Variants in PHLDB1 observed in about 807,000 individuals in gnomAD.
PHLDB1 encodes the protein pleckstrin homology like domain family B member 1, also known as pleckstrin homology-like domain family B member 1.
Under a neutral mutation model 139.3 loss-of-function variants are expected in PHLDB1, and 65 were observed. The observed-to-expected ratio is 0.47, with a 90% CI of 0.38 to 0.57. The LOEUF (loss-of-function observed/expected upper bound fraction) is 0.57. Among genes scored for constraint, PHLDB1 ranks in the 20% least tolerant of loss-of-function variants. The pLI, the probability that PHLDB1 is intolerant of heterozygous loss-of-function variation, is 0.00. For synonymous variants in PHLDB1, 679 were observed against 734.5 expected, an observed-to-expected ratio of 0.92 and a Z score of 1.22; for missense variants, 1,624 against 1,839.7, an observed-to-expected ratio of 0.88 and a Z score of 2.14.
intron 20 of PHLDB1, chr11:118,652,501 G>A (rs1042268635): frequency 1.3e-5 from 2 of 152,256 alleles, no homozygotes; most frequent in Admixed American, 6.5e-5. Context: ...GCATGAGCCA[G>A]GCGCTGTGCT....
chr11:118,651,733 G>A (rs191978218), intron 20 of PHLDB1: 15 of 151,600 alleles, frequency 9.9e-5, no homozygotes, highest in African/African-American at 3.6e-4. Flanking sequence ...GTTACTGTGA[G>A]CTGAGATCGT....
chr11:118,656,784 T>C lies in PHLDB1; in HGVS notation c.4095T>C (p.Ile1365=). 6.2e-7 allele frequency: 1 copy of C among 1,614,064 alleles called. No homozygotes were observed. The highest frequency in any genetic ancestry group is 8.5e-7 in the Non-Finnish European group (1 of 1,179,936). The change falls in exon 23 of 23, where the codon ATT becomes ATC. Residue 1365 remains isoleucine (I), a synonymous_variant. Coordinates refer to ENST00000600882, the MANE Select transcript of PHLDB1 (RefSeq NM_001144758.3). Reference sequence around the variant, plus strand: ...CCATGCGTATCTGGATGGATGTCATTGTCACAGGGGCTGAGGGCTACACTC... The same window carrying C: ...CCATGCGTATCTGGATGGATGTCATCGTCACAGGGGCTGAGGGCTACACTC... ...AEAMRIWMDV[I]VTGAEGYTQF...
Position 118,607,675 on chromosome 11 carries a change from C to T in PHLDB1, c.-46C>T, listed in dbSNP as rs549023715. On this transcript the variant is annotated 5_prime_UTR_variant, in exon 1 of 23. Coordinates refer to ENST00000600882, the MANE Select transcript of PHLDB1 (RefSeq NM_001144758.3). ...CCGAGCCAGGCTAAGGGACCAGTGT[C>T]TCCCTGCCCCCCCCCCACCTCTAGG... 1 of 132,236 alleles carries T rather than the reference C, an allele frequency of 7.6e-6. No individual in the cohort carries two copies. Among genetic ancestry groups the T allele is most frequent in the Non-Finnish European group, 1.6e-5 (1 of 62,960 alleles). The allele number at this position is 132,236 out of a possible 1,614,324, so 8.2% of individuals were successfully genotyped here.
rs942695659 is a variant in PHLDB1, at chr11:118,614,770, G to A, written c.184+88G>A. The A allele has an allele frequency of 9.3e-6, 13 of 1,396,118 alleles. No individual in the cohort carries two copies. In the East Asian group the frequency reaches 3.1e-4, roughly 34 times the overall value. 86.5% of individuals were successfully genotyped at this position (1,396,118 alleles called of 1,614,324 possible). Reference sequence around the variant, plus strand: ...AGGCCCACCTCCTGCATGTGTTGGGGCCCTTCTACTGTCTGCTGGTGCTCG... The same window carrying A: ...AGGCCCACCTCCTGCATGTGTTGGGACCCTTCTACTGTCTGCTGGTGCTCG... On this transcript the variant is annotated intron_variant, in intron 3 of 22. Transcript: ENST00000600882.
intron 17 of PHLDB1, chr11:118,646,707 G>T (rs1417567504): frequency 6.6e-6 from 1 of 152,224 alleles, no homozygotes; most frequent in African/African-American, 2.4e-5. Flanking sequence ...GCCTAGGAAG[G>T]AGGATAAATA....
At chr11:118,625,183 C>G (rs1363599607) in intron 5 of PHLDB1, 124 bp downstream of exon 5, 2 of 1,158,222 alleles carry the variant, frequency 1.7e-6, no homozygotes, top group African/African-American at 3.2e-5. Context: ...GGCTCACTGC[C>G]ACCTGCCATG....
At chr11:118,641,425 A>G (rs990092297) in intron 12 of PHLDB1, 4 of 218,190 alleles carry the variant, frequency 1.8e-5, no homozygotes, top group African/African-American at 7.1e-5. Flanking sequence ...TTTAGCTCCT[A>G]TGGCCTGGGG....
chr11:118,631,354 G>A lies in PHLDB1; in HGVS notation c.1975G>A (p.Gly659Arg). The change falls in exon 7 of 23, where the codon GGG becomes AGG. Residue 659 changes from glycine (G) to arginine (R), a missense_variant. Gly to Arg is a moderately radical substitution (Grantham distance 125). Coordinates refer to ENST00000600882, the MANE Select transcript of PHLDB1 (RefSeq NM_001144758.3). ...CCGGAGGCCCTCACGAGGCCTTGCA[G>A]GGGCCTCTGGGCGGAGCAGCGAGGA... ...AGRRPSRGLAGASGRSSEEPG... is the reference protein window; with the variant it reads ...AGRRPSRGLARASGRSSEEPG... 6.5e-7 allele frequency: 1 copy of A among 1,536,736 alleles called. No individual in the cohort carries two copies. The highest frequency in any genetic ancestry group is 8.7e-7 in the Non-Finnish European group (1 of 1,142,988).
intron 4 of PHLDB1, among the ~76,000 whole-genome samples, chr11:118,616,550 G>T (rs76544852): frequency 0.013 from 2,003 of 152,332 alleles, 26 homozygotes; most frequent in Middle Eastern, 0.044. Context: ...CAGTGAGAGG[G>T]TATCAATGGC....
chr11:118,620,282 CG>C lies in PHLDB1; in HGVS notation c.355+4074del, dbSNP rs1942509296. On this transcript the variant is annotated intron_variant, in intron 4 of 22. Transcript: ENST00000600882. This position sits in a 1 kb window ranked among gnomAD's most constrained non-coding sequence, Gnocchi z 4.1. The stretch of plus-strand genomic sequence containing the variant: ...CCGAGGCGGGCAGATCACCTGAGGT[CG>C]GGAGTTCGAGACCAGCCTGACCAAC... Among the ~76,000 whole-genome samples, 1 of 152,172 alleles carries C rather than the reference CG, an allele frequency of 6.6e-6. No homozygotes were observed. The highest frequency in any genetic ancestry group is 2.4e-5 in the African/African-American group (1 of 41,440).
chr11:118,641,826 G>A (rs547964728), intron 12 of PHLDB1: 12 of 1,254,616 alleles, frequency 9.6e-6, no homozygotes, highest in Non-Finnish European at 9.3e-6. Flanking sequence ...CCCATGACTG[G>A]TGTGCTCTGT....
chr11:118,647,918 CT>C lies in PHLDB1; in HGVS notation c.3508-9del, dbSNP rs1555130773. 6.4e-7 allele frequency: 1 copy of C among 1,559,110 alleles called. No individual in the cohort carries two copies. The highest frequency in any genetic ancestry group is 1.2e-5 in the South Asian group (1 of 84,724). On this transcript the variant is annotated splice_polypyrimidine_tract_variant and intron_variant, in intron 17 of 22. Coordinates refer to ENST00000600882, the MANE Select transcript of PHLDB1 (RefSeq NM_001144758.3). ...ATGGCCATAGGTGCTGACCCCTTGG[CT>C]TTGGGGGCAGGAGCGGGAGATGGAG...
chr11:118,653,537 A>C (rs1565507456), intron 20 of PHLDB1: 1 of 152,186 alleles, frequency 6.6e-6, no homozygotes, highest in Non-Finnish European at 1.5e-5. Context: ...CTTTCATTTA[A>C]TACTCATGAC....
Position 118,641,690 on chromosome 11 carries a change from C to T in PHLDB1, c.2737-564C>T, listed in dbSNP as rs1464171487. 11 of 1,289,490 alleles carry T rather than the reference C, an allele frequency of 8.5e-6. No individual in the cohort carries two copies. The African/African-American group carries it at 1.7e-4, about 20-fold the overall frequency. 79.9% of individuals were successfully genotyped at this position (1,289,490 alleles called of 1,614,324 possible). On this transcript the variant is annotated intron_variant, in intron 12 of 22. Coordinates refer to ENST00000600882, the MANE Select transcript of PHLDB1 (RefSeq NM_001144758.3). ...CCAGCCCCTGTGCCAGGCCTTTCTC[C>T]CTGGGCCTCCGCCTCCCGGGACCTG...
chr11:118,636,468 T>G (rs1203799892), intron 10 of PHLDB1, among the ~76,000 whole-genome samples: 1 of 152,156 alleles, frequency 6.6e-6, no homozygotes, highest in East Asian at 1.9e-4. Context: ...ACTTTCTGGA[T>G]GTAAGACTGA....
intron 22 of PHLDB1, 42 bp downstream of exon 22, chr11:118,655,934 C>T (rs1555141561): frequency 2.1e-6 from 3 of 1,450,754 alleles, no homozygotes; most frequent in Non-Finnish European, 2.9e-6. Context: ...ATTAACACCT[C>T]CTGTACCCCA....
rs782582897 is a variant in PHLDB1 at position 118,627,854 on chromosome 11, G to A, written c.1031G>A (p.Arg344Gln). Reference sequence around the variant, plus strand: ...GCAGCTACTGTCTTGGCGGAGGCCCGGAGAGCCACTGAGAGCCCCCGGCTG... The same window carrying A: ...GCAGCTACTGTCTTGGCGGAGGCCCAGAGAGCCACTGAGAGCCCCCGGCTG... ...SPAATVLAEA[R>Q]RATESPRLGG... Residue 344 changes from arginine (R) to glutamine (Q), a missense_variant, in exon 6 of 23, where the codon CGG (arginine) becomes CAG (glutamine). Physicochemically the swap from Arg to Gln is conservative, Grantham distance 43 (BLOSUM62 1). Transcript: ENST00000600882. The A allele has an allele frequency of 1.1e-5, 17 of 1,608,146 alleles. No homozygotes were observed. Among genetic ancestry groups the A allele is most frequent in the East Asian group, 2.2e-5 (1 of 44,882 alleles).
chr11:118,630,046 T>G (rs1373129661), intron 6 of PHLDB1: 11 of 1,166,314 alleles, frequency 9.4e-6, no homozygotes, highest in Middle Eastern at 3.3e-4. Context: ...TTTTTTTTTT[T>G]GCCATGGAAC....
rs1949140535 is a variant in PHLDB1, at chr11:118,656,961, G to C, written c.*138G>C. The C allele has an allele frequency of 2.7e-6, 2 of 746,542 alleles. No individual in the cohort carries two copies. The highest frequency in any genetic ancestry group is 4.2e-5 in the South Asian group (2 of 48,186). The allele number at this position is 746,542 out of a possible 1,614,324, so 46.2% of individuals were successfully genotyped here. A position where few individuals can be genotyped will look rare whatever the true frequency, so the allele number is the denominator to read the frequency against. On this transcript the variant is annotated 3_prime_UTR_variant, in exon 23 of 23. Coordinates refer to ENST00000600882, the MANE Select transcript of PHLDB1 (RefSeq NM_001144758.3). ...AGCCAGAAGAAGAAAAGTAGAGGTGGCTTTGCTGCCTCCTGGGAGCCCAGA... is the reference window on the plus strand; with the variant it reads ...AGCCAGAAGAAGAAAAGTAGAGGTGCCTTTGCTGCCTCCTGGGAGCCCAGA...
Sources: gnomAD v4.1 joint callset for allele counts (sites outside exome capture counted in the v4.1 genomes callset) on GRCh38, gnomAD v4.1.1 for gene constraint, Gnocchi (gnomAD v3.1) non-coding constraint, MANE v1.5 for transcripts, NCBI Gene and HGNC (gene_info 2026-07-23, HGNC 2026-07-21) for gene names.